The following ATP2A2 variants were observed in gnomAD, a reference collection of about 807,000 sequenced individuals.
ATP2A2 encodes the protein ATPase sarcoplasmic/endoplasmic reticulum Ca2+ transporting 2, also known as sarcoplasmic/endoplasmic reticulum calcium ATPase 2.
A neutral mutation model predicts 109.3 loss-of-function variants in ATP2A2; 14 were observed. That is an observed-to-expected ratio of 0.13 (90% CI 0.08 to 0.20). The LOEUF (loss-of-function observed/expected upper bound fraction) is 0.20. Ranked by LOEUF, ATP2A2 falls within the 10% of genes least tolerant of loss-of-function variation. ATP2A2 has a pLI of 1.00. For synonymous variants in ATP2A2, 506 were observed against 490.9 expected, an observed-to-expected ratio of 1.03 and a Z score of -0.41; for missense variants, 657 against 1,321.6, an observed-to-expected ratio of 0.50 and a Z score of 7.80.
Position 110,327,986 on chromosome 12 carries a change from C to A in ATP2A2, c.1064C>A (p.Thr355Lys). 6.2e-7 allele frequency: 1 copy of A among 1,614,024 alleles called. No homozygotes were observed. The highest frequency in any genetic ancestry group is 8.5e-7 in the Non-Finnish European group (1 of 1,180,010). Residue 355 changes from threonine (T) to lysine (K), a missense_variant, in exon 8 of 20, where the codon ACA becomes AAA. This residue lies in a region of ATP2A2 where 46 missense variants were observed against 62.0 expected (regional missense o/e 0.74). Transcript: ENST00000539276. The surrounding 1 kb of genome is among the most constrained non-coding windows in gnomAD (Gnocchi z 4.4). ...TSVICSDKTG[T>K]LTTNQMSVCR... ...GTTATCTGCTCAGACAAGACTGGTA[C>A]ACTTACAACAAACCAGATGTCAGTC... is the stretch of plus-strand genomic sequence containing the variant.
At position 110,348,489 on chromosome 12, in the gene ATP2A2, G is replaced by A; in HGVS notation, c.*2019G>A. On this transcript the variant is annotated 3_prime_UTR_variant, in exon 20 of 20. Transcript: ENST00000539276. ...GGTTGGAGTTTGGGGAGGGTTAGGA[G>A]GCATCAAGCAGGACAAGGTGCTGCT... The A allele has an allele frequency of 1.0e-6, 1 of 985,518 alleles. No homozygotes were observed. Among genetic ancestry groups the A allele is most frequent in the Non-Finnish European group, 1.2e-6 (1 of 830,026 alleles). 61.0% of individuals were successfully genotyped at this position (985,518 alleles called of 1,614,324 possible). A position where few individuals can be genotyped will look rare whatever the true frequency, so the allele number is the denominator to read the frequency against.
chr12:110,306,125 G>A (rs1452924364), intron 5 of ATP2A2, among the ~76,000 whole-genome samples: 3 of 152,034 alleles, frequency 2.0e-5, no homozygotes, highest in Non-Finnish European at 2.9e-5. Context: ...TGCAAGCTCC[G>A]CCTCTCGGGT....
At chr12:110,289,461 A>G (rs1163301888) in intron 3 of ATP2A2, among the ~76,000 whole-genome samples, 1 of 152,136 alleles carries the variant, frequency 6.6e-6, no homozygotes, top group Non-Finnish European at 1.5e-5. Context: ...ATACAGTAAC[A>G]TTTATTATAC....
Position 110,288,741 on chromosome 12 carries a change from A to G in ATP2A2, c.220-3279A>G, listed in dbSNP as rs115353765. 4.8e-3 allele frequency among the ~76,000 whole-genome samples: 728 copies of G among 152,274 alleles called. 4 individuals are homozygous for G. Among genetic ancestry groups the G allele is most frequent in the African/African-American group, 0.017 (709 of 41,544 alleles). On this transcript the variant is annotated intron_variant, in intron 3 of 19. Transcript: ENST00000539276. ...ATTCTTTATATTCAACCTGTTGTCA[A>G]AATTTTTAGAAACATTTTCCCAGTT...
At chr12:110,324,043 T>C (rs1000232860) in intron 6 of ATP2A2, among the ~76,000 whole-genome samples, 1 of 152,196 alleles carries the variant, frequency 6.6e-6, no homozygotes, top group Non-Finnish European at 1.5e-5. Flanking sequence ...GCACAATTGT[T>C]TGAAACATTT....
At chr12:110,335,948 C>G (rs913406747) in intron 11 of ATP2A2, among the ~76,000 whole-genome samples, 2 of 152,220 alleles carry the variant, frequency 1.3e-5, no homozygotes, top group African/African-American at 4.8e-5. Flanking sequence ...GGCAAGAGCC[C>G]TCCTACACTA....
chr12:110,288,918 C>G (rs1872962474), intron 3 of ATP2A2, among the ~76,000 whole-genome samples: 1 of 152,170 alleles, frequency 6.6e-6, no homozygotes, highest in Non-Finnish European at 1.5e-5. Flanking sequence ...ATCTCCCTCC[C>G]AGTCTCATGG....
At chr12:110,296,384 C>A in intron 4 of ATP2A2, 1 of 586,436 alleles carries the variant, frequency 1.7e-6, no homozygotes. Flanking sequence ...GTTTTATCCC[C>A]TTAGCTTAAT....
Position 110,339,833 on chromosome 12 carries a change from T to TG in ATP2A2, c.1761+114dup. On this transcript the variant is annotated intron_variant, in intron 13 of 19. Transcript: ENST00000539276. This position sits in a 1 kb window ranked among gnomAD's most constrained non-coding sequence, Gnocchi z 4.4. ...TCTCACTTTTGCCAAGAAAGAGGTG[T>TG]GGTTATTTGTTTTTCTGCCTGCCAG... 3 of 1,209,828 alleles carry TG rather than the reference T, an allele frequency of 2.5e-6. No individual in the cohort carries two copies. The South Asian group carries it at 4.0e-5, about 16-fold the overall frequency. The allele number at this position is 1,209,828 out of a possible 1,614,324, so 74.9% of individuals were successfully genotyped here.
chr12:110,338,763 T>C (rs1190665993), intron 11 of ATP2A2, among the ~76,000 whole-genome samples: 1 of 152,226 alleles, frequency 6.6e-6, no homozygotes, highest in African/African-American at 2.4e-5. Context: ...CTGTTTTACT[T>C]GTCTTAAAAG....
intron 5 of ATP2A2, among the ~76,000 whole-genome samples, chr12:110,301,552 G>C (rs1026584841): frequency 6.6e-6 from 1 of 152,060 alleles, no homozygotes; most frequent in African/African-American, 2.4e-5. Flanking sequence ...CGTTTCCTTG[G>C]TCAGCACACT....
At chr12:110,334,251 C>T (rs1354341268) in intron 11 of ATP2A2, 108 bp downstream of exon 11, 12 of 1,348,724 alleles carry the variant, frequency 8.9e-6, no homozygotes, top group Non-Finnish European at 1.0e-5. Context: ...TACCTTATCT[C>T]CTCAAACTTA....
intron 8 of ATP2A2, chr12:110,330,835 A>T (rs1323373308): frequency 6.6e-6 from 1 of 152,182 alleles, no homozygotes; most frequent in East Asian, 1.9e-4. Flanking sequence ...GCATATCCTA[A>T]ATGGTTGACT....
At chr12:110,293,367 CTTTTTTTTTTTTT>C (rs1178977431) in intron 4 of ATP2A2, among the ~76,000 whole-genome samples, 1 of 79,858 alleles carries the variant, frequency 1.3e-5, no homozygotes, top group African/African-American at 5.3e-5. Context: ...CACTCCCGGC[CTTTTTTTTTTTTT>C]TTTTTTTTGT....
chr12:110,336,285 G>A (rs946268345), intron 11 of ATP2A2, among the ~76,000 whole-genome samples: 1 of 152,196 alleles, frequency 6.6e-6, no homozygotes, highest in Admixed American at 6.5e-5. Context: ...AACAGGTCTG[G>A]GGGAGGAGAG....
In ATP2A2 at chr12:110,333,945, T is replaced by C. The variant is rs1234103924; in HGVS notation, c.1288-67T>C. 4 of 1,606,170 alleles carry C rather than the reference T, an allele frequency of 2.5e-6. No homozygotes were observed. In the African/African-American group the frequency reaches 5.4e-5, roughly 22 times the overall value. On this transcript the variant is annotated intron_variant, in intron 10 of 19. Transcript: ENST00000539276. ...AGATTGTGCTTTTGTGGAAAAAAAATATTAAAGATAAATTTATCTGTGTAC... is the reference window on the plus strand; with the variant it reads ...AGATTGTGCTTTTGTGGAAAAAAAACATTAAAGATAAATTTATCTGTGTAC...
chr12:110,333,096 T>C, intron 9 of ATP2A2, 85 bp from the exon 10 acceptor site: 2 of 1,173,942 alleles, frequency 1.7e-6, no homozygotes, highest in South Asian at 1.2e-5. Flanking sequence ...GTTTTCATTA[T>C]TAAACAATTG....
chr12:110,345,606 C>T, intron 18 of ATP2A2: 1 of 701,950 alleles, frequency 1.4e-6, no homozygotes, highest in Non-Finnish European at 2.3e-6. Flanking sequence ...TTAAAAGAAA[C>T]CGTGGGGGCC....
At chr12:110,293,933 G>A (rs1347772687) in intron 4 of ATP2A2, among the ~76,000 whole-genome samples, 2 of 144,182 alleles carry the variant, frequency 1.4e-5, no homozygotes, top group African/African-American at 2.6e-5. Context: ...CTGGAGTGCA[G>A]TGGTGTGATT....
Sources: gnomAD v4.1 joint callset for allele counts (sites outside exome capture counted in the v4.1 genomes callset) on GRCh38, gnomAD v4.1.1 for gene constraint, gnomAD v4.1.1 regional missense constraint, Gnocchi (gnomAD v3.1) non-coding constraint, MANE v1.5 for transcripts, NCBI Gene and HGNC (gene_info 2026-07-23, HGNC 2026-07-21) for gene names.